The following TMEM212 variants were observed in gnomAD, a reference collection of about 807,000 sequenced individuals.
The protein encoded by TMEM212 is transmembrane protein 212.
In TMEM212, 23 loss-of-function variants were observed where a neutral mutation model predicts 20.5. The observed-to-expected ratio is 1.12, with a 90% CI of 0.81 to 1.59. TMEM212 has a LOEUF of 1.59. TMEM212 is among the 40% of genes most tolerant of loss of function. The pLI, the probability that TMEM212 is intolerant of heterozygous loss-of-function variation, is 0.00. For synonymous variants in TMEM212, 76 were observed against 81.6 expected (o/e 0.93, Z 0.37); for missense variants, 211 against 215.0 (o/e 0.98, Z 0.12).
At chr3:171,851,242 T>C (rs1724970653) in intron 1 of TMEM212, among the ~76,000 whole-genome samples, 1 of 152,212 alleles carries the variant, frequency 6.6e-6, no homozygotes, top group Admixed American at 6.5e-5. Context: ...GTCTCCTCCA[T>C]CAGATCTGTT....
intron 1 of TMEM212, 55 bp from the exon 2 acceptor site, chr3:171,851,927 C>A: frequency 1.4e-6 from 2 of 1,473,470 alleles, no homozygotes; most frequent in Non-Finnish European, 1.8e-6. Flanking sequence ...AGATTGAACT[C>A]TTTCCAGAGG....
chr3:171,853,857 T>C lies in TMEM212; in HGVS notation c.543+7T>C. 6.5e-7 allele frequency: 1 copy of C among 1,529,822 alleles called. No individual in the cohort carries two copies. Among genetic ancestry groups the C allele is most frequent in the Non-Finnish European group, 8.8e-7 (1 of 1,141,754 alleles). The allele number at this position is 1,529,822 out of a possible 1,614,324, so 94.8% of individuals were successfully genotyped here. On this transcript the variant is annotated splice_region_variant and intron_variant, in intron 3 of 4. Transcript: ENST00000334567. Reference sequence around the variant, plus strand: ...CCAGAATGGACACATAAACGTAAGTTTCAACAAAGGGGAGGCAGGTTCTTG... The same window carrying C: ...CCAGAATGGACACATAAACGTAAGTCTCAACAAAGGGGAGGCAGGTTCTTG...
At chr3:171,852,171 C>A in intron 2 of TMEM212, 130 bp downstream of exon 2, 4 of 683,972 alleles carry the variant, frequency 5.8e-6, no homozygotes, top group Admixed American at 2.8e-5. Context: ...TGCCTTACTA[C>A]AATGGATTTC....
At position 171,843,470 on chromosome 3, in the gene TMEM212, T is replaced by C. The variant is rs1341493986; in HGVS notation, c.87T>C (p.Pro29=). The change falls in exon 1 of 5, where the codon CCT becomes CCC. Residue 29 remains proline, a synonymous_variant. Coordinates refer to ENST00000334567, the MANE Select transcript of TMEM212 (RefSeq NM_001164436.2). ...SVCSGVIAFF[P]VFSYKPWFTG... ...GCTCTGGAGTTATTGCTTTCTTTCCTGTCTTTTCTTACAAGCCTTGGTTCA... is the reference window on the plus strand; with the variant it reads ...GCTCTGGAGTTATTGCTTTCTTTCCCGTCTTTTCTTACAAGCCTTGGTTCA... 9 of 1,537,160 alleles carry C rather than the reference T, an allele frequency of 5.9e-6. No individual in the cohort carries two copies. The highest frequency in any genetic ancestry group is 7.8e-6 in the Non-Finnish European group (9 of 1,146,830).
intron 4 of TMEM212, among the ~76,000 whole-genome samples, chr3:171,857,342 T>C (rs887657909): frequency 1.3e-5 from 2 of 152,132 alleles, no homozygotes; most frequent in African/African-American, 2.4e-5. Context: ...GATATCTACA[T>C]GCAAAAGAAT....
At chr3:171,855,709 A>C (rs756515590) in intron 3 of TMEM212, among the ~76,000 whole-genome samples, 2 of 152,158 alleles carry the variant, frequency 1.3e-5, no homozygotes, top group Non-Finnish European at 2.9e-5. Flanking sequence ...GTTAGCTCAG[A>C]TGTCGTTTAA....
intron 1 of TMEM212, among the ~76,000 whole-genome samples, chr3:171,847,737 C>G (rs560926065): frequency 1.3e-5 from 2 of 152,068 alleles, no homozygotes; most frequent in East Asian, 3.9e-4. Context: ...TACAGACCTA[C>G]CAGTTTTCTT....
In TMEM212 at chr3:171,858,622, A is replaced by G. The variant is rs1361985873; in HGVS notation, c.*565A>G. Reference sequence around the variant, plus strand: ...CTGCATGGCAAAAGAAACTATCATCAGAGTGAACAGGCAACCTACAGAACG... The same window carrying G: ...CTGCATGGCAAAAGAAACTATCATCGGAGTGAACAGGCAACCTACAGAACG... On this transcript the variant is annotated 3_prime_UTR_variant, in exon 5 of 5. Coordinates refer to ENST00000334567, the MANE Select transcript of TMEM212 (RefSeq NM_001164436.2). 6.6e-6 allele frequency: 1 copy of G among 152,184 alleles called. No individual in the cohort carries two copies. Among genetic ancestry groups the G allele is most frequent in the Non-Finnish European group, 1.5e-5 (1 of 68,044 alleles). The allele number at this position is 152,184 out of a possible 1,614,324, so 9.4% of individuals were successfully genotyped here.
intron 1 of TMEM212, among the ~76,000 whole-genome samples, chr3:171,850,880 A>G (rs961933078): frequency 1.3e-5 from 2 of 152,040 alleles, no homozygotes; most frequent in Non-Finnish European, 2.9e-5. Context: ...TCTCTCTCAA[A>G]TTCTCTAAAT....
rs1274266531 is a variant in TMEM212, at chr3:171,853,524, CA to C, written c.220-2del. The C allele has an allele frequency of 6.5e-7, 1 of 1,529,566 alleles. No homozygotes were observed. The highest frequency in any genetic ancestry group is 1.2e-5 in the South Asian group (1 of 83,086). 94.7% of individuals were successfully genotyped at this position (1,529,566 alleles called of 1,614,324 possible). ...TAACAATTTATTTTTGCTTTATTTT[CA>C]GGGGGAAGCTACTTTCACCTTTGTG... On this transcript the variant is annotated splice_acceptor_variant, in intron 2 of 4. Transcript: ENST00000334567. LOFTEE classifies it high-confidence loss of function.
chr3:171,853,408 C>T, intron 2 of TMEM212, 119 bp from the exon 3 acceptor site: 2 of 801,486 alleles, frequency 2.5e-6, no homozygotes, highest in South Asian at 3.8e-5. Flanking sequence ...TTGATTTCTC[C>T]CTCATTTTCC....
intron 3 of TMEM212, among the ~76,000 whole-genome samples, chr3:171,855,943 T>G (rs1387147305): frequency 6.6e-6 from 1 of 152,182 alleles, no homozygotes; most frequent in African/African-American, 2.4e-5. Flanking sequence ...GAAAATAGTT[T>G]TTTTCCTCTA....
intron 1 of TMEM212, among the ~76,000 whole-genome samples, chr3:171,846,993 G>A (rs2108378522): frequency 6.6e-6 from 1 of 152,284 alleles, no homozygotes; most frequent in Middle Eastern, 3.4e-3. Flanking sequence ...TTTTGTATAT[G>A]ATACAGTACT....
intron 1 of TMEM212, among the ~76,000 whole-genome samples, chr3:171,846,746 T>C (rs1724843315): frequency 6.6e-6 from 1 of 152,208 alleles, no homozygotes; most frequent in Admixed American, 6.5e-5. Flanking sequence ...AATGTCTAAA[T>C]TTGGACGAAC....
chr3:171,847,126 A>T (rs1026813618), intron 1 of TMEM212, among the ~76,000 whole-genome samples: 2 of 152,238 alleles, frequency 1.3e-5, no homozygotes, highest in Admixed American at 6.5e-5. Flanking sequence ...TTTTGGAGCT[A>T]GGTTATTTAA....
chr3:171,851,960 T>A, intron 1 of TMEM212, 22 bp from the exon 2 acceptor site: 2 of 1,536,130 alleles, frequency 1.3e-6, no homozygotes, highest in Admixed American at 2.0e-5. Flanking sequence ...TGGATGTTTA[T>A]TTTTCCATTT....
At chr3:171,846,049 A>C (rs1035997351) in intron 1 of TMEM212, among the ~76,000 whole-genome samples, 1 of 152,018 alleles carries the variant, frequency 6.6e-6, no homozygotes, top group African/African-American at 2.4e-5. Context: ...TAACCTGCTG[A>C]GTTCTCCATC....
At position 171,858,507 on chromosome 3, in the gene TMEM212, C is replaced by T. The variant is rs1017478191; in HGVS notation, c.*450C>T. On this transcript the variant is annotated 3_prime_UTR_variant, in exon 5 of 5. Coordinates refer to ENST00000334567, the MANE Select transcript of TMEM212 (RefSeq NM_001164436.2). ...TAGGCAATACCATTCAGGACATAGG[C>T]ATGGGCAAAGACTTCATGACTAAAA... The T allele has an allele frequency of 6.6e-6, 1 of 152,094 alleles. No homozygotes were observed. The highest frequency in any genetic ancestry group is 1.5e-5 in the Non-Finnish European group (1 of 68,032). The allele number at this position is 152,094 out of a possible 1,614,324, so 9.4% of individuals were successfully genotyped here. A position where few individuals can be genotyped will look rare whatever the true frequency, so the allele number is the denominator to read the frequency against.
chr3:171,852,902 A>C (rs1725016837), intron 2 of TMEM212, among the ~76,000 whole-genome samples: 1 of 152,216 alleles, frequency 6.6e-6, no homozygotes, highest in African/African-American at 2.4e-5. Flanking sequence ...GATTCAGTAG[A>C]TCTGGGTGAG....
Sources: gnomAD v4.1 joint callset for allele counts (sites outside exome capture counted in the v4.1 genomes callset) on GRCh38, gnomAD v4.1.1 for gene constraint, MANE v1.5 for transcripts, NCBI Gene and HGNC (gene_info 2026-07-23, HGNC 2026-07-21) for gene names.